The following CACHD1 variants were observed in gnomAD, a reference collection of about 807,000 sequenced individuals.
CACHD1 encodes VWFA and cache domain-containing protein 1.
Under a neutral mutation model 138.7 loss-of-function variants are expected in CACHD1, and 71 were observed. The observed-to-expected ratio is 0.51, with a 90% CI of 0.42 to 0.62. CACHD1 has a LOEUF of 0.62. Ranked by LOEUF, CACHD1 falls within the 20% of genes least tolerant of loss-of-function variation. CACHD1 has a pLI of 0.00. For missense variants in CACHD1, 1,389 were observed against 1,625.3 expected, an observed-to-expected ratio of 0.85 and a Z score of 2.50; for synonymous variants, 578 against 591.5, an observed-to-expected ratio of 0.98 and a Z score of 0.33.
chr1:64,676,224 C>T (rs907783982), intron 21 of CACHD1, among the ~76,000 whole-genome samples: 2 of 151,946 alleles, frequency 1.3e-5, no homozygotes, highest in Non-Finnish European at 2.9e-5. Flanking sequence ...GTATGTGCTA[C>T]ATACAAAAAA....
At chr1:64,632,851 G>T (rs949341980) in intron 6 of CACHD1, 108 bp downstream of exon 6, 74 of 1,244,330 alleles carry the variant, frequency 5.9e-5, no homozygotes, top group Non-Finnish European at 8.0e-5. Flanking sequence ...TTACAATGGG[G>T]TTACATCCTG....
At chr1:64,531,516 TG>T (rs1439946800) in intron 1 of CACHD1, among the ~76,000 whole-genome samples, 4 of 151,970 alleles carry the variant, frequency 2.6e-5, no homozygotes, top group Non-Finnish European at 5.9e-5. Context: ...TGTGTGTGTG[TG>T]TGTGTGTGTG....
At chr1:64,593,324 A>G (rs954820551) in intron 3 of CACHD1, among the ~76,000 whole-genome samples, 15 of 152,326 alleles carry the variant, frequency 9.8e-5, no homozygotes, top group Non-Finnish European at 2.1e-4. Context: ...CTGACCCATA[A>G]GTTGGCAACT....
At chr1:64,690,382 G>A (rs1197199931) in intron 26 of CACHD1, among the ~76,000 whole-genome samples, 1 of 152,146 alleles carries the variant, frequency 6.6e-6, no homozygotes, top group Non-Finnish European at 1.5e-5. Flanking sequence ...GCTGATTGAC[G>A]CTAACTGTAG....
chr1:64,636,189 A>T (rs1247455812), intron 7 of CACHD1, among the ~76,000 whole-genome samples: 1 of 152,184 alleles, frequency 6.6e-6, no homozygotes, highest in African/African-American at 2.4e-5. Flanking sequence ...AATTTAAAGA[A>T]TACATTTCCA....
intron 1 of CACHD1, among the ~76,000 whole-genome samples, chr1:64,495,001 T>C (rs1180341866): frequency 1.3e-5 from 2 of 152,098 alleles, no homozygotes; most frequent in Non-Finnish European, 2.9e-5. Context: ...TTTCTTTGTG[T>C]AGTGGTCTCT....
chr1:64,650,154 A>G (rs977689180), intron 9 of CACHD1, among the ~76,000 whole-genome samples: 2 of 152,226 alleles, frequency 1.3e-5, no homozygotes, highest in African/African-American at 4.8e-5. Context: ...TAATGGGATC[A>G]AGAGTCTTCT....
At chr1:64,534,808 A>C (rs1377771438) in intron 1 of CACHD1, among the ~76,000 whole-genome samples, 1 of 152,188 alleles carries the variant, frequency 6.6e-6, no homozygotes, top group Non-Finnish European at 1.5e-5. Flanking sequence ...AGGACAATGG[A>C]AGCTGATCAC....
chr1:64,657,584 AT>A (rs1649308256), intron 12 of CACHD1, among the ~76,000 whole-genome samples: 1 of 152,164 alleles, frequency 6.6e-6, no homozygotes, highest in East Asian at 1.9e-4. Context: ...AAAGGATTAA[AT>A]TTGTTAATCT....
intron 2 of CACHD1, among the ~76,000 whole-genome samples, chr1:64,562,413 T>A (rs1313965895): frequency 1.2e-3 from 11 of 9,080 alleles, no homozygotes; most frequent in Admixed American, 3.6e-3. Flanking sequence ...AATTTCCTTT[T>A]TTTTTTTTTT....
In CACHD1 at chr1:64,484,501, C is replaced by A. The variant is rs75092355; in HGVS notation, c.198+13559C>A. 4.3e-3 allele frequency among the ~76,000 whole-genome samples: 652 copies of A among 152,282 alleles called. 13 individuals are homozygous for A. Among genetic ancestry groups the A allele is most frequent in the African/African-American group, 0.015 (622 of 41,564 alleles). On this transcript the variant is annotated intron_variant, in intron 1 of 26. Transcript: ENST00000651257. ...AATTCAGGTATATTTCCCAGTAGCT[C>A]TTTTAGGCGTGGCCAAAAGTGTACA...
rs574038442 is a variant in CACHD1, at chr1:64,679,316, G to C, written c.3245-279G>C. On this transcript the variant is annotated intron_variant, in intron 23 of 26. Transcript: ENST00000651257. ...ACTCTGTTGGTGTTGGATGCTGCCTGTGTAAGCAATTCTTCTGGTCTGCTC... is the reference window on the plus strand; with the variant it reads ...ACTCTGTTGGTGTTGGATGCTGCCTCTGTAAGCAATTCTTCTGGTCTGCTC... Among the ~76,000 whole-genome samples the C allele has an allele frequency of 1.5e-3, 233 of 152,300 alleles. 3 individuals are homozygous for C. The highest frequency in any genetic ancestry group is 9.3e-3 in the South Asian group (45 of 4,826).
chr1:64,539,578 C>A (rs897970284), intron 1 of CACHD1, among the ~76,000 whole-genome samples: 1 of 152,160 alleles, frequency 6.6e-6, no homozygotes, highest in Non-Finnish European at 1.5e-5. Context: ...TCTTTGAACA[C>A]CCCATTTCCA....
chr1:64,669,823 T>G (rs1333997861), intron 16 of CACHD1, among the ~76,000 whole-genome samples: 1 of 152,210 alleles, frequency 6.6e-6, no homozygotes, highest in Non-Finnish European at 1.5e-5. Flanking sequence ...TGTTTATCAT[T>G]TTGAAGCAGA....
chr1:64,482,178 GGT>G lies in CACHD1; in HGVS notation c.198+11239_198+11240del, dbSNP rs930197734. Among the ~76,000 whole-genome samples the G allele has an allele frequency of 5.3e-5, 8 of 152,220 alleles. No individual in the cohort carries two copies. The South Asian group carries it at 1.2e-3, about 24-fold the overall frequency. On this transcript the variant is annotated intron_variant, in intron 1 of 26. Coordinates refer to ENST00000651257, the MANE Select transcript of CACHD1 (RefSeq NM_020925.4). Reference sequence around the variant, plus strand: ...TTGCATTCATTTCTAAGGGACTAGAGGTGTAGAAAGACCTGTTGGGTTTCTTG... The same window carrying G: ...TTGCATTCATTTCTAAGGGACTAGAGGTAGAAAGACCTGTTGGGTTTCTTG...
chr1:64,649,915 T>G (rs950330941), intron 9 of CACHD1, among the ~76,000 whole-genome samples: 7 of 152,208 alleles, frequency 4.6e-5, no homozygotes, highest in Non-Finnish European at 1.0e-4. Context: ...CTTTGTGTTT[T>G]CAGTCCCTAG....
chr1:64,487,845 G>A (rs1646252320), intron 1 of CACHD1, among the ~76,000 whole-genome samples: 1 of 152,134 alleles, frequency 6.6e-6, no homozygotes, highest in Non-Finnish European at 1.5e-5. Flanking sequence ...TTTTTGTGAG[G>A]TGATGTGATT....
intron 26 of CACHD1, among the ~76,000 whole-genome samples, chr1:64,688,653 C>T (rs1650442629): frequency 6.6e-6 from 1 of 152,134 alleles, no homozygotes; most frequent in African/African-American, 2.4e-5. Context: ...TTCTGTCCAG[C>T]CTCCCCATTG....
intron 1 of CACHD1, among the ~76,000 whole-genome samples, chr1:64,507,943 T>TAG (rs897035442): frequency 1.8e-4 from 27 of 152,152 alleles, no homozygotes; most frequent in African/African-American, 6.5e-4. Context: ...TGTAAAGAAA[T>TAG]ATCTGAGACT....
Sources: gnomAD v4.1 joint callset for allele counts (sites outside exome capture counted in the v4.1 genomes callset) on GRCh38, gnomAD v4.1.1 for gene constraint, MANE v1.5 for transcripts, NCBI Gene and HGNC (gene_info 2026-07-23, HGNC 2026-07-21) for gene names.